Variants in EFTUD2 observed in about 807,000 individuals in gnomAD.
EFTUD2 encodes elongation factor Tu GTP binding domain containing 2, also known as 116 kDa U5 small nuclear ribonucleoprotein component.
In EFTUD2, 9 loss-of-function variants were observed where a neutral mutation model predicts 114.3. The observed-to-expected ratio is 0.08, with a 90% CI of 0.05 to 0.14. The LOEUF is 0.14. Ranked by LOEUF, EFTUD2 falls within the 10% of genes least tolerant of loss-of-function variation. EFTUD2 has a pLI of 1.00. For synonymous variants in EFTUD2, 449 were observed against 462.3 expected (o/e 0.97, Z 0.37); for missense variants, 765 against 1,241.2 (o/e 0.62, Z 5.76).
intron 1 of EFTUD2, among the ~76,000 whole-genome samples, chr17:44,896,149 G>C (rs9909048): frequency 0.12 from 18,603 of 152,138 alleles, 1,226 homozygotes; most frequent in East Asian, 0.24. Flanking sequence ...TGTTTGCCAG[G>C]CCTCTCCATT....
chr17:44,897,569 T>G (rs1413488010), intron 1 of EFTUD2, among the ~76,000 whole-genome samples: 2 of 152,146 alleles, frequency 1.3e-5, no homozygotes, highest in East Asian at 3.8e-4. Flanking sequence ...ACATTTTTAT[T>G]TTTTTATTTT....
intron 9 of EFTUD2, 77 bp from the exon 10 acceptor site, chr17:44,876,177 C>T: frequency 6.7e-7 from 1 of 1,495,628 alleles, no homozygotes; most frequent in Non-Finnish European, 9.0e-7. Context: ...AAAGAAGGCA[C>T]TATTTCAAAC....
chr17:44,886,756 A>C lies in EFTUD2; in HGVS notation c.106-6T>G. 1 of 1,612,004 alleles carries C rather than the reference A, an allele frequency of 6.2e-7. No individual in the cohort carries two copies. The highest frequency in any genetic ancestry group is 8.5e-7 in the Non-Finnish European group (1 of 1,179,260). On this transcript the variant is annotated splice_region_variant and splice_polypyrimidine_tract_variant and intron_variant, in intron 2 of 27. Coordinates refer to ENST00000426333, the MANE Select transcript of EFTUD2 (RefSeq NM_004247.4). ...TCGTCGTCATCATCATCCATCTGAA[A>C]GCAAGAGGGAGAGGGAGAATCGAAG... is the stretch of plus-strand genomic sequence containing the variant.
intron 9 of EFTUD2, among the ~76,000 whole-genome samples, chr17:44,876,452 G>A (rs2050950835): frequency 6.6e-6 from 1 of 152,178 alleles, no homozygotes; most frequent in South Asian, 2.1e-4. Context: ...TGTAGAAATA[G>A]TTATAGATAT....
intron 10 of EFTUD2, chr17:44,872,843 C>T (rs1046309052): frequency 1.0e-4 from 22 of 216,522 alleles, no homozygotes; most frequent in African/African-American, 4.9e-4. Flanking sequence ...GGGAAACCTA[C>T]AGGACAGAGA....
At chr17:44,857,207 G>C in intron 19 of EFTUD2, 50 bp from the exon 20 acceptor site, 1 of 1,535,516 alleles carries the variant, frequency 6.5e-7, no homozygotes, top group Non-Finnish European at 9.0e-7. Context: ...TTTGTTGGAA[G>C]GGCAACCATT....
chr17:44,856,844 G>A (rs1338753801), intron 20 of EFTUD2, among the ~76,000 whole-genome samples: 1 of 152,110 alleles, frequency 6.6e-6, no homozygotes, highest in Non-Finnish European at 1.5e-5. Context: ...CAAAGTGGCA[G>A]TTATGAAACT....
intron 1 of EFTUD2, among the ~76,000 whole-genome samples, chr17:44,896,652 A>C (rs528609874): frequency 6.6e-6 from 1 of 152,262 alleles, no homozygotes; most frequent in African/African-American, 2.4e-5. Flanking sequence ...GTCTCGAAAA[A>C]AATAAACAAA....
At chr17:44,898,615 G>GCT (rs1228083242) in intron 1 of EFTUD2, among the ~76,000 whole-genome samples, 2 of 152,146 alleles carry the variant, frequency 1.3e-5, no homozygotes, top group Non-Finnish European at 2.9e-5. Flanking sequence ...TGTCCAAAAC[G>GCT]CTCTCCCCTT....
In EFTUD2 at chr17:44,859,119, C is replaced by T; in HGVS notation, c.1923G>A (p.Met641Ile). The T allele has an allele frequency of 6.2e-7, 1 of 1,614,024 alleles. No individual in the cohort carries two copies. Among genetic ancestry groups the T allele is most frequent in the Non-Finnish European group, 8.5e-7 (1 of 1,179,900 alleles). The change falls in exon 19 of 28, where the codon ATG becomes ATA. Residue 641 changes from methionine (M) to isoleucine (I), a missense_variant. Around this residue, in one of 6 missense-constraint regions of EFTUD2, gnomAD observed 149 missense variants for 245.1 expected, o/e 0.61. Transcript: ENST00000426333. ...GTGELYLDCV[M>I]HDLRKMYSEI... ...CTGAGTACATCTTCCGCAAATCATG[C>T]ATCACACAGTCCAGGTAGAGCTCCC...
Position 44,851,135 on chromosome 17 carries a change from T to C in EFTUD2, c.*139A>G. The C allele has an allele frequency of 1.4e-6, 1 of 708,656 alleles. No homozygotes were observed. The highest frequency in any genetic ancestry group is 1.6e-5 in the South Asian group (1 of 62,658). 43.9% of individuals were successfully genotyped at this position (708,656 alleles called of 1,614,324 possible). A position where few individuals can be genotyped will look rare whatever the true frequency, so the allele number is the denominator to read the frequency against. ...CTCACTGGGGCTCTGGGTTGGAGGTTGGTGAGTTGTTCAAGATGGCAACAG... is the reference window on the plus strand; with the variant it reads ...CTCACTGGGGCTCTGGGTTGGAGGTCGGTGAGTTGTTCAAGATGGCAACAG... On this transcript the variant is annotated 3_prime_UTR_variant, in exon 28 of 28. Coordinates refer to ENST00000426333, the MANE Select transcript of EFTUD2 (RefSeq NM_004247.4).
Position 44,853,519 on chromosome 17 carries a change from T to C in EFTUD2, c.2464A>G (p.Met822Val). ...ARRVVYSAFL[M>V]ATPRLMEPYY... The stretch of plus-strand genomic sequence containing the variant: ...CCCCTACCGCCCCATTCTCTTACCA[T>C]GAGGAAGGCAGAGTAGACGACTCTC... The change falls in exon 24 of 28, where the codon ATG becomes GTG. Residue 822 changes from methionine (M) to valine (V), a missense_variant and splice_region_variant. Transcript: ENST00000426333. 1 of 1,614,006 alleles carries C rather than the reference T, an allele frequency of 6.2e-7. No homozygotes were observed. Among genetic ancestry groups the C allele is most frequent in the Non-Finnish European group, 8.5e-7 (1 of 1,179,920 alleles).
intron 9 of EFTUD2, among the ~76,000 whole-genome samples, chr17:44,879,255 T>G (rs1340511551): frequency 1.3e-5 from 2 of 152,172 alleles, no homozygotes; most frequent in Non-Finnish European, 1.5e-5. Flanking sequence ...CTGGCTAATT[T>G]TTGTATTTTT....
At chr17:44,860,305 A>T (rs564867025) in intron 17 of EFTUD2, 127 bp downstream of exon 17, 2 of 783,918 alleles carry the variant, frequency 2.6e-6, no homozygotes, top group Middle Eastern at 2.6e-4. Context: ...CAGCAGGGTC[A>T]TATCTAGAAG....
In EFTUD2 at chr17:44,855,597, G is replaced by GACAA. The variant is rs370633043; in HGVS notation, c.2046-597_2046-594dup. Among the ~76,000 whole-genome samples the GACAA allele has an allele frequency of 3.3e-3, 492 of 151,250 alleles. 3 individuals carry two copies. Among genetic ancestry groups the GACAA allele is most frequent in the Middle Eastern group, 0.014 (4 of 290 alleles). The stretch of plus-strand genomic sequence containing the variant: ...CAAAACAGAACAAAAAAAAACCCCA[G>GACAA]ACAAACAAACAAACAAACAAACAGA... On this transcript the variant is annotated intron_variant, in intron 20 of 27. Coordinates refer to ENST00000426333, the MANE Select transcript of EFTUD2 (RefSeq NM_004247.4).
In EFTUD2 at chr17:44,867,887, T is replaced by C; in HGVS notation, c.1069A>G (p.Thr357Ala). 1 of 1,598,052 alleles carries C rather than the reference T, an allele frequency of 6.3e-7. No individual in the cohort carries two copies. The highest frequency in any genetic ancestry group is 8.5e-7 in the Non-Finnish European group (1 of 1,171,712). ...IYFNPKTRKF[T>A]KKAPTSSSQR... ...GAGCTGCTAGTTGGGGCCTTTTTGGTGAACTTTCGCCTAAAAGGAAAAATA... is the reference window on the plus strand; with the variant it reads ...GAGCTGCTAGTTGGGGCCTTTTTGGCGAACTTTCGCCTAAAAGGAAAAATA... Residue 357 changes from threonine (T) to alanine (A), a missense_variant, in exon 13 of 28, where the codon ACC becomes GCC. This residue lies in a region of EFTUD2 where 251 missense variants were observed against 357.7 expected (regional missense o/e 0.70). Coordinates refer to ENST00000426333, the MANE Select transcript of EFTUD2 (RefSeq NM_004247.4).
chr17:44,863,251 A>T (rs947155425), intron 15 of EFTUD2: 11 of 260,752 alleles, frequency 4.2e-5, no homozygotes, highest in South Asian at 1.0e-4. Context: ...TGTATTTATG[A>T]TAAGAAACTA....
intron 20 of EFTUD2, among the ~76,000 whole-genome samples, chr17:44,856,536 G>GA (rs1263118240): frequency 2.1e-5 from 3 of 143,150 alleles, no homozygotes; most frequent in African/African-American, 5.2e-5. Context: ...TTAAAAAAAA[G>GA]AAAAAAAAAG....
In EFTUD2 at chr17:44,879,642, A is replaced by C; in HGVS notation, c.620-4T>G. ...TCATCAGAGAAATTCACATGTCCTGAAAAGCAAATACTAAGTAAGTCATCA... is the reference window on the plus strand; with the variant it reads ...TCATCAGAGAAATTCACATGTCCTGCAAAGCAAATACTAAGTAAGTCATCA... On this transcript the variant is annotated splice_region_variant and splice_polypyrimidine_tract_variant and intron_variant, in intron 8 of 27. Transcript: ENST00000426333. The C allele has an allele frequency of 3.7e-6, 6 of 1,613,654 alleles. No homozygotes were observed. The highest frequency in any genetic ancestry group is 5.1e-6 in the Non-Finnish European group (6 of 1,179,876).
Sources: gnomAD v4.1 joint callset for allele counts (sites outside exome capture counted in the v4.1 genomes callset) on GRCh38, gnomAD v4.1.1 for gene constraint, gnomAD v4.1.1 regional missense constraint, MANE v1.5 for transcripts, NCBI Gene and HGNC (gene_info 2026-07-23, HGNC 2026-07-21) for gene names.